The following TTC13 variants were observed in gnomAD, a reference collection of about 807,000 sequenced individuals.
TTC13 encodes tetratricopeptide repeat domain 13, also known as tetratricopeptide repeat protein 13.
In TTC13, 62 loss-of-function variants were observed where a neutral mutation model predicts 120.0. The ratio of observed to expected loss-of-function variants is 0.52; its 90% CI spans 0.42 to 0.64. The LOEUF (loss-of-function observed/expected upper bound fraction) is 0.64, where lower values mean the gene tolerates loss of function less well. Among genes scored for constraint, TTC13 ranks in the 30% least tolerant of loss-of-function variants. TTC13 has a pLI of 0.00. For missense variants in TTC13, 824 were observed against 1,050.2 expected (o/e 0.78, Z 2.98); for synonymous variants, 384 against 393.5 (o/e 0.98, Z 0.28).
intron 12 of TTC13, among the ~76,000 whole-genome samples, 190 bp downstream of exon 12, chr1:230,928,747 C>T (rs1673267064): frequency 2.0e-5 from 3 of 152,014 alleles, no homozygotes; most frequent in Admixed American, 6.6e-5. Flanking sequence ...GAGATGGGGT[C>T]TTTGCTGTGT....
chr1:230,978,796 AAGC>A lies in TTC13; in HGVS notation c.32_34del (p.Cys11del), dbSNP rs577954914. The A allele has an allele frequency of 1.3e-4, 189 of 1,494,050 alleles. No individual in the cohort carries two copies. The highest frequency in any genetic ancestry group is 6.6e-4 in the Admixed American group (29 of 44,192). The allele number at this position is 1,494,050 out of a possible 1,614,324, so 92.5% of individuals were successfully genotyped here. On this transcript the variant is annotated inframe_deletion, in exon 1 of 23. Coordinates refer to ENST00000366661, the MANE Select transcript of TTC13 (RefSeq NM_024525.5). The surrounding 1 kb of genome is among the most constrained non-coding windows in gnomAD (Gnocchi z 5.6). ...CGCGGCGGCCACAGCGCCGCCCCAG[AAGC>A]AGCAGCAGCAGCAGCAGCCGGCAGG...
intron 2 of TTC13, 82 bp downstream of exon 2, chr1:230,961,127 G>T: frequency 1.9e-6 from 2 of 1,054,428 alleles, no homozygotes; most frequent in South Asian, 1.4e-5. Context: ...ACTTCTAGTT[G>T]ACAGAGGCGA....
chr1:230,940,170 C>A lies in TTC13; in HGVS notation c.789+270G>T, dbSNP rs1674411133. ...TTTGCGAGAAAGATTGACATACAAT[C>A]CACAAACTAAATTTATCTTTCTCTC... is the stretch of plus-strand genomic sequence containing the variant. On this transcript the variant is annotated intron_variant, in intron 7 of 22. Transcript: ENST00000366661. This position sits in a 1 kb window ranked among gnomAD's most constrained non-coding sequence, Gnocchi z 4.1. Among the ~76,000 whole-genome samples the A allele has an allele frequency of 6.6e-6, 1 of 152,180 alleles. No homozygotes were observed. Among genetic ancestry groups the A allele is most frequent in the Admixed American group, 6.5e-5 (1 of 15,268 alleles).
intron 15 of TTC13, among the ~76,000 whole-genome samples, chr1:230,922,055 T>C (rs1558175176): frequency 6.6e-6 from 1 of 152,160 alleles, no homozygotes; most frequent in Admixed American, 6.5e-5. Context: ...CATCGCTCCC[T>C]GGGTTCCCAC....
intron 12 of TTC13, among the ~76,000 whole-genome samples, chr1:230,928,625 C>A (rs924199947): frequency 2.6e-5 from 4 of 152,202 alleles, no homozygotes; most frequent in African/African-American, 9.6e-5. Flanking sequence ...TACAGAGAAG[C>A]ACTGATTCTG....
At chr1:230,932,463 G>C (rs1673646502) in intron 9 of TTC13, among the ~76,000 whole-genome samples, 1 of 152,146 alleles carries the variant, frequency 6.6e-6, no homozygotes, top group East Asian at 1.9e-4. Flanking sequence ...AATAGGTTTA[G>C]AAACCGGGTC....
At chr1:230,928,699 T>C (rs1360298230) in intron 12 of TTC13, among the ~76,000 whole-genome samples, 1 of 152,214 alleles carries the variant, frequency 6.6e-6, no homozygotes, top group East Asian at 1.9e-4. Context: ...GTTAAAATGA[T>C]GTTTGCTATA....
chr1:230,947,019 T>G (rs1675066759), intron 4 of TTC13, among the ~76,000 whole-genome samples: 1 of 152,192 alleles, frequency 6.6e-6, no homozygotes, highest in South Asian at 2.1e-4. Context: ...GTGAGATTAC[T>G]AGATATATTC....
chr1:230,936,151 CA>C, intron 8 of TTC13: 1 of 455,978 alleles, frequency 2.2e-6, no homozygotes, highest in Admixed American at 2.3e-5. Flanking sequence ...CTGCCCACTC[CA>C]CTTACAGCAT....
chr1:230,909,591 C>T (rs1671287412), intron 20 of TTC13, among the ~76,000 whole-genome samples: 1 of 152,238 alleles, frequency 6.6e-6, no homozygotes, highest in African/African-American at 2.4e-5. Context: ...GAGATCGCTC[C>T]ACCGCACTCC....
chr1:230,931,962 T>C, intron 9 of TTC13, 85 bp from the exon 10 acceptor site: 1 of 1,357,118 alleles, frequency 7.4e-7, no homozygotes, highest in South Asian at 1.3e-5. Flanking sequence ...TATGGACCAA[T>C]ATGTAAACAA....
At chr1:230,908,094 T>C (rs1403033584) in intron 22 of TTC13, among the ~76,000 whole-genome samples, 1 of 152,246 alleles carries the variant, frequency 6.6e-6, no homozygotes, top group Non-Finnish European at 1.5e-5. Context: ...TCCTGAATAC[T>C]GAGCCTAAGA....
chr1:230,970,214 T>A (rs1043282901), intron 1 of TTC13, among the ~76,000 whole-genome samples: 1 of 152,174 alleles, frequency 6.6e-6, no homozygotes, highest in African/African-American at 2.4e-5. Context: ...TTTCCTCTCC[T>A]CCTAAACCTC....
intron 1 of TTC13, among the ~76,000 whole-genome samples, chr1:230,967,012 T>TA (rs1490533167): frequency 6.6e-6 from 1 of 152,142 alleles, no homozygotes; most frequent in African/African-American, 2.4e-5. Flanking sequence ...CAGCACATGG[T>TA]AAATCCTTTG....
intron 3 of TTC13, among the ~76,000 whole-genome samples, chr1:230,957,475 A>T (rs1387088293): frequency 6.6e-6 from 1 of 152,232 alleles, no homozygotes; most frequent in Non-Finnish European, 1.5e-5. Context: ...CTTAGTCTTA[A>T]TATCAAACGT....
At chr1:230,916,385 C>A in intron 17 of TTC13, 83 bp from the exon 18 acceptor site, 3 of 1,037,298 alleles carry the variant, frequency 2.9e-6, no homozygotes, top group Non-Finnish European at 4.5e-6. Context: ...CTGGCTCTAC[C>A]TTACATGTTT....
chr1:230,964,756 A>G (rs1676967201), intron 1 of TTC13, among the ~76,000 whole-genome samples: 1 of 152,232 alleles, frequency 6.6e-6, no homozygotes, highest in African/African-American at 2.4e-5. Context: ...TAACCAAAAC[A>G]GCATGGTACT....
chr1:230,963,799 T>C lies in TTC13; in HGVS notation c.272-2496A>G, dbSNP rs1676879759. Reference sequence around the variant, plus strand: ...ATGCAAAGGGCAGCGAGGAGACTCCTACTCCCTGGCTAGAGCAGGGAGTTT... The same window carrying C: ...ATGCAAAGGGCAGCGAGGAGACTCCCACTCCCTGGCTAGAGCAGGGAGTTT... On this transcript the variant is annotated intron_variant, in intron 1 of 22. Coordinates refer to ENST00000366661, the MANE Select transcript of TTC13 (RefSeq NM_024525.5). Among the ~76,000 whole-genome samples, 3 of 152,140 alleles carry C rather than the reference T, an allele frequency of 2.0e-5. No individual in the cohort carries two copies. In the South Asian group the frequency reaches 6.2e-4, roughly 32 times the overall value.
At chr1:230,959,102 T>C (rs1676378796) in intron 2 of TTC13, among the ~76,000 whole-genome samples, 1 of 152,240 alleles carries the variant, frequency 6.6e-6, no homozygotes, top group African/African-American at 2.4e-5. Flanking sequence ...TTTTTATTTG[T>C]CAATTACACC....
Sources: allele counts gnomAD v4.1 joint callset (sites outside exome capture counted in the v4.1 genomes callset), GRCh38; gene constraint gnomAD v4.1.1; non-coding constraint Gnocchi (gnomAD v3.1); transcripts MANE v1.5; gene names NCBI Gene and HGNC (gene_info 2026-07-23, HGNC 2026-07-21).